GCLC: variants seen among roughly 807,000 people sequenced by gnomAD.
GCLC encodes the protein glutamate--cysteine ligase catalytic subunit.
A neutral mutation model predicts 81.5 loss-of-function variants in GCLC; 30 were observed. The ratio of observed to expected loss-of-function variants is 0.37; its 90% CI spans 0.28 to 0.50. The LOEUF (loss-of-function observed/expected upper bound fraction) is 0.50. Among genes scored for constraint, GCLC ranks in the 20% least tolerant of loss-of-function variants. The probability of loss-of-function intolerance (pLI) is 0.96; values close to 1 mark genes in which losing one functional copy is unlikely to be tolerated. For synonymous variants in GCLC, 262 were observed against 273.3 expected, an observed-to-expected ratio of 0.96 and a Z score of 0.41; for missense variants, 556 against 777.4, an observed-to-expected ratio of 0.72 and a Z score of 3.39.
intron 4 of GCLC, 63 bp from the exon 5 acceptor site, chr6:53,514,560 T>G: frequency 1.8e-6 from 2 of 1,126,596 alleles, no homozygotes; most frequent in Non-Finnish European, 2.7e-6. Flanking sequence ...AAAGAAGAAT[T>G]TGATTACATA....
chr6:53,505,195 C>A, intron 12 of GCLC, 197 bp downstream of exon 12: 1 of 551,402 alleles, frequency 1.8e-6, no homozygotes, highest in Non-Finnish European at 3.2e-6. Flanking sequence ...TTCTAGCCAT[C>A]AATCATCTTG....
chr6:53,543,310 C>T (rs1462523767), intron 1 of GCLC, among the ~76,000 whole-genome samples: 1 of 152,142 alleles, frequency 6.6e-6, no homozygotes, highest in Non-Finnish European at 1.5e-5. Context: ...ATCACCAAAA[C>T]ACATGCTGTG....
Position 53,518,379 on chromosome 6 carries a change from T to C in GCLC, c.447-2157A>G, listed in dbSNP as rs17883842. ...GGTTCTCCTGCCTCAGCCTCCGGAG[T>C]AGCTGGGATTACAGGCGCATGCCAC... On this transcript the variant is annotated intron_variant, in intron 3 of 15. Coordinates refer to ENST00000650454, the MANE Select transcript of GCLC (RefSeq NM_001498.4). Among the ~76,000 whole-genome samples, 1,339 of 152,072 alleles carry C rather than the reference T, an allele frequency of 8.8e-3. 21 individuals are homozygous for C. Among genetic ancestry groups the C allele is most frequent in the African/African-American group, 0.029 (1,222 of 41,464 alleles).
At chr6:53,516,448 CT>C (rs1405876859) in intron 3 of GCLC, among the ~76,000 whole-genome samples, 1 of 152,192 alleles carries the variant, frequency 6.6e-6, no homozygotes, top group Non-Finnish European at 1.5e-5. Flanking sequence ...CCACTACTAA[CT>C]TTATCCAAGT....
At chr6:53,520,041 T>C (rs1762959861) in intron 3 of GCLC, among the ~76,000 whole-genome samples, 1 of 152,338 alleles carries the variant, frequency 6.6e-6, no homozygotes, top group East Asian at 1.9e-4. Context: ...CTAAGTATAC[T>C]GTCACCATCT....
intron 1 of GCLC, among the ~76,000 whole-genome samples, chr6:53,538,330 C>CTTTTT (rs111804488): frequency 7.4e-6 from 1 of 135,786 alleles, no homozygotes; most frequent in African/African-American, 2.7e-5. Context: ...TATGCATTTT[C>CTTTTT]TTTTTTTTTT....
At chr6:53,522,591 G>A (rs1278595977) in intron 1 of GCLC, 64 bp from the exon 2 acceptor site, 3 of 989,768 alleles carry the variant, frequency 3.0e-6, no homozygotes, top group Non-Finnish European at 4.8e-6. Context: ...GTGGCCTCCA[G>A]AAGAAAAAGG....
intron 3 of GCLC, among the ~76,000 whole-genome samples, chr6:53,518,550 C>T (rs1762929914): frequency 6.6e-6 from 1 of 152,180 alleles, no homozygotes; most frequent in African/African-American, 2.4e-5. Context: ...CATGCCCAGA[C>T]ACTAAATCTT....
intron 1 of GCLC, among the ~76,000 whole-genome samples, chr6:53,524,834 T>C (rs1415273209): frequency 5.3e-5 from 8 of 152,242 alleles, no homozygotes; most frequent in Non-Finnish European, 1.2e-4. Context: ...TTCCTAACTT[T>C]GAAAAAAATT....
intron 11 of GCLC, 40 bp from the exon 12 acceptor site, chr6:53,505,536 C>T (rs1764596739): frequency 2.9e-6 from 3 of 1,017,610 alleles, no homozygotes; most frequent in Admixed American, 1.7e-5. Flanking sequence ...GAACCAACTA[C>T]ACAAACATGC....
chr6:53,522,611 G>A (rs948909864), intron 1 of GCLC, 84 bp from the exon 2 acceptor site: 7 of 815,664 alleles, frequency 8.6e-6, no homozygotes, highest in Admixed American at 1.8e-5. Flanking sequence ...GCAGGGAAAC[G>A]TGAAGTCTGT....
chr6:53,500,053 CTCT>C lies in GCLC; in HGVS notation c.1691_1693del (p.Lys564del). ...AAAAATAGATATCATACCAGATGCT[CTCT>C]TCTTAATTAGCTTTAGGTAGTTCAG... is the stretch of plus-strand genomic sequence containing the variant. On this transcript the variant is annotated inframe_deletion, in exon 15 of 16. Coordinates refer to ENST00000650454, the MANE Select transcript of GCLC (RefSeq NM_001498.4). The C allele has an allele frequency of 1.3e-6, 2 of 1,593,824 alleles. No individual in the cohort carries two copies. Among genetic ancestry groups the C allele is most frequent in the South Asian group, 2.2e-5 (2 of 90,644 alleles).
At chr6:53,524,486 C>T (rs992457218) in intron 1 of GCLC, among the ~76,000 whole-genome samples, 3 of 152,178 alleles carry the variant, frequency 2.0e-5, no homozygotes, top group Non-Finnish European at 2.9e-5. Flanking sequence ...GGAAGCTGGG[C>T]TGTAACAATA....
Position 53,538,535 on chromosome 6 carries a change from G to A in GCLC, c.150+5961C>T, listed in dbSNP as rs534680053. 1.5e-4 allele frequency among the ~76,000 whole-genome samples: 23 copies of A among 152,206 alleles called. No homozygotes were observed. In the East Asian group the frequency reaches 2.7e-3, roughly 18 times the overall value. On this transcript the variant is annotated intron_variant, in intron 1 of 15. Transcript: ENST00000650454. ...TTTAGTAGAGACAAGGTTTCACCAT[G>A]TTAGCCAAGATGGTCTTGATCTCCT...
intron 8 of GCLC, among the ~76,000 whole-genome samples, chr6:53,508,138 A>G (rs1346220243): frequency 6.6e-6 from 1 of 152,106 alleles, no homozygotes; most frequent in Non-Finnish European, 1.5e-5. Context: ...CTGGGTGTCT[A>G]TTTTCAAAGA....
rs17883341 is a variant in GCLC at position 53,522,661 on chromosome 6, C to T, written c.151-134G>A. 1.7e-3 allele frequency: 1,128 copies of T among 656,684 alleles called. 19 individuals are homozygous for T. In the East Asian group the frequency reaches 0.031, roughly 18 times the overall value. The allele number at this position is 656,684 out of a possible 1,614,324, so 40.7% of individuals were successfully genotyped here. On this transcript the variant is annotated intron_variant, in intron 1 of 15. Coordinates refer to ENST00000650454, the MANE Select transcript of GCLC (RefSeq NM_001498.4). ...AACTCCAGACAGTCACATTTGTTTA[C>T]AGTACAGCACATAAGTGTTCATATG... is the stretch of plus-strand genomic sequence containing the variant.
chr6:53,521,087 C>G, intron 2 of GCLC, 127 bp from the exon 3 acceptor site: 1 of 757,644 alleles, frequency 1.3e-6, no homozygotes, highest in Non-Finnish European at 2.4e-6. Context: ...AAGTCCTTCA[C>G]AGTTCTCAGT....
chr6:53,499,918 G>A, intron 15 of GCLC, 127 bp downstream of exon 15: 1 of 734,000 alleles, frequency 1.4e-6, no homozygotes, highest in Non-Finnish European at 2.3e-6. Context: ...TACAATTGCA[G>A]AAATATAAAA....
intron 1 of GCLC, among the ~76,000 whole-genome samples, chr6:53,525,303 T>C (rs985206372): frequency 6.6e-6 from 1 of 152,206 alleles, no homozygotes; most frequent in Non-Finnish European, 1.5e-5. Flanking sequence ...AGCCTGTCTA[T>C]ATGAGCATTC....
Sources: allele counts gnomAD v4.1 joint callset (sites outside exome capture counted in the v4.1 genomes callset), GRCh38; gene constraint gnomAD v4.1.1; transcripts MANE v1.5; gene names NCBI Gene and HGNC (gene_info 2026-07-23, HGNC 2026-07-21).